The following CCDC122 variants were observed in gnomAD, a reference collection of about 807,000 sequenced individuals.
CCDC122 encodes the protein coiled-coil domain containing 122, also known as coiled-coil domain-containing protein 122.
CCDC122 carries 38 observed loss-of-function variants against 37.0 expected under a neutral mutation model. The ratio of observed to expected loss-of-function variants is 1.03; its 90% confidence interval spans 0.79 to 1.35. CCDC122 has a LOEUF of 1.35. Among genes scored for constraint, CCDC122 ranks in the 40% most tolerant of loss-of-function variants. CCDC122 has a pLI of 0.00. For synonymous variants in CCDC122, 83 were observed against 95.6 expected, an observed-to-expected ratio of 0.87 and a Z score of 0.77; for missense variants, 305 against 310.0, an observed-to-expected ratio of 0.98 and a Z score of 0.12.
chr13:43,867,897 A>G (rs618179), intron 4 of CCDC122, among the ~76,000 whole-genome samples: 140,560 of 151,910 alleles, frequency 0.93, 65,303 homozygotes, highest in Middle Eastern at 0.99. Context: ...TGCACTTAAA[A>G]CCAGTGATAC....
chr13:43,857,139 G>A (rs1288288238), intron 6 of CCDC122, among the ~76,000 whole-genome samples: 1 of 152,064 alleles, frequency 6.6e-6, no homozygotes, highest in Non-Finnish European at 1.5e-5. Flanking sequence ...TAATGAGGAT[G>A]GTCATATTTT....
chr13:43,842,518 T>C (rs991997108), intron 6 of CCDC122, among the ~76,000 whole-genome samples: 1 of 151,536 alleles, frequency 6.6e-6, no homozygotes, highest in Non-Finnish European at 1.5e-5. Context: ...CTAGATCCTT[T>C]GCGTTTTCAC....
At chr13:43,856,110 A>C (rs1953899464) in intron 6 of CCDC122, 2 of 152,182 alleles carry the variant, frequency 1.3e-5, no homozygotes, top group Non-Finnish European at 2.9e-5. Flanking sequence ...GCAGAAACAG[A>C]AAACCAAATA....
At chr13:43,824,652 G>T (rs1263046965) in intron 3 of CCDC122, among the ~76,000 whole-genome samples, 16 of 152,112 alleles carry the variant, frequency 1.1e-4, no homozygotes, top group Non-Finnish European at 7.4e-5. Context: ...AAACTATGCA[G>T]CTGACAAAGG....
At chr13:43,878,276 C>T (rs1269184055) in intron 1 of CCDC122, 1 of 152,134 alleles carries the variant, frequency 6.6e-6, no homozygotes, top group African/African-American at 2.4e-5. Flanking sequence ...ATTACCTTTG[C>T]ACCAATCTAA....
At chr13:43,848,964 G>C (rs1226806304) in intron 6 of CCDC122, 32 of 962,394 alleles carry the variant, frequency 3.3e-5, no homozygotes, top group Non-Finnish European at 3.8e-5. Flanking sequence ...TGGTTGTTTT[G>C]AGAAGAAGGT....
At chr13:43,851,968 A>G (rs530478094) in intron 6 of CCDC122, among the ~76,000 whole-genome samples, 1 of 152,240 alleles carries the variant, frequency 6.6e-6, no homozygotes, top group African/African-American at 2.4e-5. Flanking sequence ...AAAAACATCC[A>G]AAGGTCAGCA....
intron 2 of CCDC122, among the ~76,000 whole-genome samples, chr13:43,871,065 C>T (rs1407989525): frequency 3.3e-5 from 5 of 151,968 alleles, no homozygotes; most frequent in Non-Finnish European, 4.4e-5. Context: ...TCAAGTCCCG[C>T]GTATACTGTA....
chr13:43,868,738 C>A lies in CCDC122; in HGVS notation c.112G>T (p.Ala38Ser). Residue 38 changes from alanine (A) to serine (S), a missense_variant, in exon 4 of 7, where the codon GCA (alanine) becomes TCA (serine). Ala to Ser is a moderately conservative substitution (Grantham distance 99). Transcript: ENST00000444614. ...EKVAKQQQSQASEIEKNKKVL... is the reference protein window; with the variant it reads ...EKVAKQQQSQSSEIEKNKKVL... ...TTTTTGTTTTTTTCTATCTCTGATGCTTGTGATTGTTGTTGCTTTGCAACT... is the reference window on the plus strand; with the variant it reads ...TTTTTGTTTTTTTCTATCTCTGATGATTGTGATTGTTGTTGCTTTGCAACT... 6.4e-7 allele frequency: 1 copy of A among 1,563,978 alleles called. No individual in the cohort carries two copies. Among genetic ancestry groups the A allele is most frequent in the Non-Finnish European group, 8.7e-7 (1 of 1,155,590 alleles).
chr13:43,877,623 C>A (rs1434781181), intron 1 of CCDC122: 1 of 151,984 alleles, frequency 6.6e-6, no homozygotes, highest in African/African-American at 2.4e-5. Context: ...GCTTGAAGAG[C>A]CTTGAACAAA....
chr13:43,849,428 C>T (rs1354321345), intron 6 of CCDC122, among the ~76,000 whole-genome samples: 6 of 152,170 alleles, frequency 3.9e-5, no homozygotes, highest in Non-Finnish European at 4.4e-5. Context: ...AAGCTCTGGA[C>T]ATTTTATACA....
At chr13:43,847,263 C>T (rs1443765439) in intron 6 of CCDC122, among the ~76,000 whole-genome samples, 3 of 152,024 alleles carry the variant, frequency 2.0e-5, no homozygotes, top group Non-Finnish European at 2.9e-5. Flanking sequence ...ATTCTTCCAC[C>T]CACAGGGGTT....
downstream of CCDC122, among the ~76,000 whole-genome samples, chr13:43,834,902 C>A (rs1389719519): frequency 6.6e-6 from 1 of 152,036 alleles, no homozygotes; most frequent in Non-Finnish European, 1.5e-5. Context: ...GTCAGTGTGG[C>A]GATTCCTCAG....
intron 2 of CCDC122, among the ~76,000 whole-genome samples, chr13:43,873,432 A>G (rs971753700): frequency 1.3e-5 from 2 of 152,090 alleles, no homozygotes; most frequent in Non-Finnish European, 2.9e-5. Context: ...AGTAAATTAT[A>G]AGTTCATTTT....
chr13:43,876,219 G>A (rs1566957286), intron 1 of CCDC122, among the ~76,000 whole-genome samples: 1 of 152,152 alleles, frequency 6.6e-6, no homozygotes. Context: ...TGTTATGCTA[G>A]CCCTAGGAAA....
At chr13:43,859,183 C>A (rs1172019603) in intron 5 of CCDC122, among the ~76,000 whole-genome samples, 2 of 152,088 alleles carry the variant, frequency 1.3e-5, no homozygotes, top group African/African-American at 2.4e-5. Flanking sequence ...CTTTTTAATT[C>A]TCTAGCAAGA....
downstream of CCDC122, among the ~76,000 whole-genome samples, chr13:43,835,056 A>C (rs1226522584): frequency 1.3e-5 from 2 of 152,080 alleles, no homozygotes; most frequent in African/African-American, 2.4e-5. Context: ...ACTTGGAACC[A>C]ACCCAAATGT....
Position 43,858,775 on chromosome 13 carries a change from A to C in CCDC122, c.672+6T>G. ...AAACATTGAAATCTAGATAATTAAGACTTACCTCTATTTCTTTTCTTAATT... is the reference window on the plus strand; with the variant it reads ...AAACATTGAAATCTAGATAATTAAGCCTTACCTCTATTTCTTTTCTTAATT... On this transcript the variant is annotated splice_donor_region_variant and intron_variant, in intron 6 of 6. Coordinates refer to ENST00000444614, the MANE Select transcript of CCDC122 (RefSeq NM_144974.5). 1 of 1,399,866 alleles carries C rather than the reference A, an allele frequency of 7.1e-7. No homozygotes were observed. The highest frequency in any genetic ancestry group is 9.6e-7 in the Non-Finnish European group (1 of 1,042,222). 86.7% of individuals were successfully genotyped at this position (1,399,866 alleles called of 1,614,324 possible). A position where few individuals can be genotyped will look rare whatever the true frequency, so the allele number is the denominator to read the frequency against.
chr13:43,834,968 C>T (rs1953127545), downstream of CCDC122, among the ~76,000 whole-genome samples: 1 of 152,030 alleles, frequency 6.6e-6, no homozygotes, highest in Non-Finnish European at 1.5e-5. Context: ...GGGTATATAC[C>T]CAAAGGATTA....
Sources: gnomAD v4.1 joint callset for allele counts (sites outside exome capture counted in the v4.1 genomes callset) on GRCh38, gnomAD v4.1.1 for gene constraint, MANE v1.5 for transcripts, NCBI Gene and HGNC (gene_info 2026-07-23, HGNC 2026-07-21) for gene names.